Variants in ACOXL observed in about 807,000 individuals in gnomAD.
ACOXL encodes the protein acyl-coenzyme A oxidase-like protein.
A neutral mutation model predicts 71.9 loss-of-function variants in ACOXL; 70 were observed. The observed-to-expected ratio is 0.97, with a 90% CI of 0.80 to 1.19. The LOEUF is 1.19. Among genes scored for constraint, ACOXL ranks in the 50% most tolerant of loss-of-function variants. The pLI is 0.00. For synonymous variants in ACOXL, 253 were observed against 281.6 expected (o/e 0.90, Z 1.02); for missense variants, 703 against 736.3 (o/e 0.95, Z 0.52).
At chr2:110,769,014 C>T (rs962782045) in intron 2 of ACOXL, among the ~76,000 whole-genome samples, 6 of 151,234 alleles carry the variant, frequency 4.0e-5, no homozygotes, top group East Asian at 1.9e-4. Context: ...ATCTCACAGG[C>T]GAGGGAATAG....
intron 16 of ACOXL, among the ~76,000 whole-genome samples, chr2:111,087,710 G>A (rs1326893066): frequency 1.3e-5 from 2 of 152,078 alleles, no homozygotes; most frequent in Non-Finnish European, 2.9e-5. Flanking sequence ...GATAACCTGG[G>A]AAATACCATT....
At chr2:111,097,308 C>T (rs934317495) in intron 17 of ACOXL, among the ~76,000 whole-genome samples, 2 of 152,108 alleles carry the variant, frequency 1.3e-5, no homozygotes, top group African/African-American at 4.8e-5. Flanking sequence ...CACAACAACC[C>T]GGTGAAAAAT....
chr2:110,933,338 T>G lies in ACOXL; in HGVS notation c.906-151T>G, dbSNP rs1010042217. The G allele has an allele frequency of 1.5e-5, 14 of 959,564 alleles. No homozygotes were observed. The African/African-American group carries it at 2.1e-4, about 14-fold the overall frequency. 59.4% of individuals were successfully genotyped at this position (959,564 alleles called of 1,614,324 possible). A position where few individuals can be genotyped will look rare whatever the true frequency, so the allele number is the denominator to read the frequency against. On this transcript the variant is annotated intron_variant, in intron 11 of 17. Transcript: ENST00000439055. The stretch of plus-strand genomic sequence containing the variant: ...TAGCGTTTTAACTATGCCACTGTTA[T>G]TTTTTAGTGACTATCTACAGTTTAA...
At chr2:111,003,578 A>AAAAAAAAAAAAT (rs1229032006) in intron 14 of ACOXL, among the ~76,000 whole-genome samples, 1 of 147,002 alleles carries the variant, frequency 6.8e-6, no homozygotes, top group Non-Finnish European at 1.5e-5. Context: ...AAAAAAAAAA[A>AAAAAAAAAAAAT]AGAATCACAG....
At chr2:110,767,731 T>C (rs1573414695) in intron 1 of ACOXL, among the ~76,000 whole-genome samples, 1 of 152,270 alleles carries the variant, frequency 6.6e-6, no homozygotes, top group East Asian at 1.9e-4. Context: ...AAATGCTGCT[T>C]TTAAGTCATC....
chr2:110,988,857 TTGTGTGTGTGTGTGTG>T (rs70958753), intron 13 of ACOXL, among the ~76,000 whole-genome samples: 2 of 143,384 alleles, frequency 1.4e-5, no homozygotes, highest in African/African-American at 2.6e-5. Context: ...CCTATTTTTA[TTGTGTGTGTGTGTGTG>T]TGTGTGTGTG....
intron 9 of ACOXL, among the ~76,000 whole-genome samples, chr2:110,839,226 CTG>C (rs1223465010): frequency 6.6e-6 from 1 of 151,974 alleles, no homozygotes; most frequent in African/African-American, 2.4e-5. Flanking sequence ...ACCAATTAAA[CTG>C]TACTCCAAAG....
intron 17 of ACOXL, chr2:111,099,827 A>G (rs2069021542): frequency 6.6e-6 from 1 of 152,228 alleles, no homozygotes; most frequent in Non-Finnish European, 1.5e-5. Flanking sequence ...TAAGGAAGAA[A>G]GCCTTTCAAA....
At chr2:110,739,429 C>G (rs911348812) in intron 1 of ACOXL, among the ~76,000 whole-genome samples, 1 of 152,218 alleles carries the variant, frequency 6.6e-6, no homozygotes, top group Admixed American at 6.5e-5. Flanking sequence ...AACCATCCTC[C>G]TTTCTCAAGA....
At chr2:110,996,566 A>G (rs1204227451) in intron 14 of ACOXL, among the ~76,000 whole-genome samples, 1 of 152,176 alleles carries the variant, frequency 6.6e-6, no homozygotes, top group African/African-American at 2.4e-5. Flanking sequence ...GATCCGGCAC[A>G]GAATAGCCAA....
At chr2:110,928,174 A>G (rs776413390) in intron 11 of ACOXL, among the ~76,000 whole-genome samples, 24 of 152,212 alleles carry the variant, frequency 1.6e-4, no homozygotes, top group Non-Finnish European at 2.8e-4. Flanking sequence ...CATTTACCCA[A>G]TACCTGTAAG....
At chr2:110,874,637 A>C (rs538998271) in intron 10 of ACOXL, among the ~76,000 whole-genome samples, 1 of 152,208 alleles carries the variant, frequency 6.6e-6, no homozygotes, top group African/African-American at 2.4e-5. Context: ...TGGTTGCTAA[A>C]ATAGTAATAA....
chr2:111,003,377 G>A (rs899403039), intron 14 of ACOXL, among the ~76,000 whole-genome samples: 2 of 151,176 alleles, frequency 1.3e-5, no homozygotes, highest in African/African-American at 2.4e-5. Context: ...GTGAAACCCC[G>A]TCTCTACTAA....
chr2:110,936,747 G>A (rs2149353214), intron 12 of ACOXL, among the ~76,000 whole-genome samples: 1 of 152,296 alleles, frequency 6.6e-6, no homozygotes, highest in South Asian at 2.1e-4. Flanking sequence ...GAAGGGTTCT[G>A]AGCACGGGAG....
At chr2:111,112,635 A>C (rs2070067223) in intron 17 of ACOXL, among the ~76,000 whole-genome samples, 1 of 152,214 alleles carries the variant, frequency 6.6e-6, no homozygotes, top group African/African-American at 2.4e-5. Context: ...GTCTGCAAAA[A>C]GTGAGAATAG....
At chr2:110,859,780 G>T (rs982787373) in intron 10 of ACOXL, among the ~76,000 whole-genome samples, 2 of 152,216 alleles carry the variant, frequency 1.3e-5, no homozygotes, top group Non-Finnish European at 2.9e-5. Flanking sequence ...CCAGGCTAAG[G>T]AGTGTGATGC....
intron 14 of ACOXL, among the ~76,000 whole-genome samples, chr2:111,015,870 A>G (rs886522065): frequency 6.6e-6 from 1 of 152,204 alleles, no homozygotes; most frequent in African/African-American, 2.4e-5. Flanking sequence ...CTGACACAGA[A>G]TAGTTAATAC....
intron 11 of ACOXL, among the ~76,000 whole-genome samples, chr2:110,916,192 C>T (rs527924316): frequency 6.6e-6 from 1 of 151,674 alleles, no homozygotes; most frequent in South Asian, 2.1e-4. Context: ...AGATCTGTGA[C>T]AATGTCACTT....
intron 12 of ACOXL, 112 bp downstream of exon 12, chr2:110,933,754 G>T (rs2060565078): frequency 3.0e-6 from 4 of 1,340,952 alleles, no homozygotes; most frequent in Non-Finnish European, 4.0e-6. Flanking sequence ...AATCCCAACT[G>T]CCCATGACTC....
Sources: allele counts gnomAD v4.1 joint callset (sites outside exome capture counted in the v4.1 genomes callset), GRCh38; gene constraint gnomAD v4.1.1; transcripts MANE v1.5; gene names NCBI Gene and HGNC (gene_info 2026-07-23, HGNC 2026-07-21).